NPHS1: variants seen among roughly 807,000 people sequenced by gnomAD.
NPHS1 encodes the protein nephrin.
In NPHS1, 107 loss-of-function variants were observed where a neutral mutation model predicts 139.7. That is an observed-to-expected ratio of 0.77 (90% CI 0.66 to 0.90). The LOEUF is 0.90. Among genes scored for constraint, NPHS1 ranks in the 40% least tolerant of loss-of-function variants. The pLI is 0.00. For missense variants in NPHS1, 1,580 were observed against 1,654.2 expected (o/e 0.96, Z 0.78); for synonymous variants, 707 against 706.6 (o/e 1.00, Z -0.01).
rs762003783 is a variant in NPHS1 at position 35,850,452 on chromosome 19, G to A, written c.527-7C>T. 1.2e-5 allele frequency: 19 copies of A among 1,613,334 alleles called. No individual in the cohort carries two copies. Among genetic ancestry groups the A allele is most frequent in the Admixed American group, 1.7e-5 (1 of 59,988 alleles). On this transcript the variant is annotated splice_polypyrimidine_tract_variant and splice_region_variant and intron_variant, in intron 4 of 28. Coordinates refer to ENST00000378910, the MANE Select transcript of NPHS1 (RefSeq NM_004646.4). The stretch of plus-strand genomic sequence containing the variant: ...TCAGATATTGTCTGTCCACCTTGGG[G>A]CAGCAAGAGGGCTAGAGGGGTTCCA...
chr19:35,826,863 C>T (rs952376286), intron 28 of NPHS1, among the ~76,000 whole-genome samples: 3 of 152,220 alleles, frequency 2.0e-5, no homozygotes, highest in Admixed American at 6.5e-5. Context: ...AGGCTGGGCA[C>T]GGTAGCTCAT....
rs377331907 is a variant in NPHS1 at position 35,848,811 on chromosome 19, G to A, written c.1013-17C>T. On this transcript the variant is annotated splice_polypyrimidine_tract_variant and intron_variant, in intron 8 of 28. Transcript: ENST00000378910. ...TAGGGGGAACTGCAGGGACAGAGAA[G>A]GAAGACACTAAGCTGGGCTGGATTT... The A allele has an allele frequency of 1.9e-6, 3 of 1,614,056 alleles. No individual in the cohort carries two copies. Among genetic ancestry groups the A allele is most frequent in the Non-Finnish European group, 2.5e-6 (3 of 1,180,042 alleles).
chr19:35,849,954 C>T (rs760795898), intron 5 of NPHS1, among the ~76,000 whole-genome samples: 1 of 152,186 alleles, frequency 6.6e-6, no homozygotes. Context: ...CTGGCTCTAT[C>T]ACCCAGGCTG....
rs1292220751 is a variant in NPHS1 at position 35,845,543 on chromosome 19, G to A, written c.1758-3C>T. On this transcript the variant is annotated splice_region_variant and splice_polypyrimidine_tract_variant and intron_variant, in intron 13 of 28. Transcript: ENST00000378910. The surrounding 1 kb of genome is among the most constrained non-coding windows in gnomAD (Gnocchi z 5.5). ...GTGGGGCGGCCACGCCCTCCAGCCT[G>A]TGGAACCGGGGTCAAGCCAGGGCTG... The A allele has an allele frequency of 4.3e-6, 7 of 1,611,622 alleles. No individual in the cohort carries two copies. The highest frequency in any genetic ancestry group is 5.9e-6 in the Non-Finnish European group (7 of 1,179,014).
Position 35,852,455 on chromosome 19 carries a change from G to A in NPHS1, c.-618C>T, listed in dbSNP as rs537757562. On this transcript the variant is annotated 5_prime_UTR_variant, in exon 1 of 29. Transcript: ENST00000378910. ...CTAGGAGAGCGATGAGGCTGATGCA[G>A]GCACTGGCAGAGTCAGCCCTGCTCT... Among the ~76,000 whole-genome samples the A allele has an allele frequency of 1.3e-5, 2 of 152,274 alleles. No individual in the cohort carries two copies. The highest frequency in any genetic ancestry group is 6.5e-5 in the Admixed American group (1 of 15,298).
chr19:35,831,197 C>G, intron 26 of NPHS1, 51 bp from the exon 27 acceptor site: 1 of 1,611,018 alleles, frequency 6.2e-7, no homozygotes, highest in East Asian at 2.2e-5. Flanking sequence ...TCTGACCCCA[C>G]TGTGCCCGGA....
At position 35,845,417 on chromosome 19, in the gene NPHS1, G is replaced by T; in HGVS notation, c.1881C>A (p.Ser627Arg). Residue 627 changes from serine (S) to arginine (R), a missense_variant, in exon 14 of 29, where the codon AGC becomes AGA. Transcript: ENST00000378910. The surrounding 1 kb of genome is among the most constrained non-coding windows in gnomAD (Gnocchi z 5.5). ...AGCTCACGGTTTCGCGGAGCTCGGC[G>T]CTGTGGGCGCGGCAGGTCACGCGCT... ...HGQRVTCRAHSAELRETVSSF... is the reference protein window; with the variant it reads ...HGQRVTCRAHRAELRETVSSF... 6.2e-7 allele frequency: 1 copy of T among 1,614,252 alleles called. No homozygotes were observed. Among genetic ancestry groups the T allele is most frequent in the Non-Finnish European group, 8.5e-7 (1 of 1,180,048 alleles).
rs566123000 is a variant in NPHS1, at chr19:35,826,523, A to T, written c.3717T>A (p.His1239Gln). 4 of 1,613,704 alleles carry T rather than the reference A, an allele frequency of 2.5e-6. No homozygotes were observed. Among genetic ancestry groups the T allele is most frequent in the Non-Finnish European group, 3.4e-6 (4 of 1,180,004 alleles). Residue 1239 changes from histidine (H) to glutamine (Q), a missense_variant, in exon 29 of 29, where the codon CAT becomes CAA. Physicochemically the swap from His to Gln is conservative, Grantham distance 24 (BLOSUM62 0). Coordinates refer to ENST00000378910, the MANE Select transcript of NPHS1 (RefSeq NM_004646.4). Reference protein sequence around the residue: ...PDSLPFELRGHLV With the variant: ...PDSLPFELRGQLV ...GGGGTTGAGAGGGCTCTTACACCAGATGTCCCCTCAGCTCGAAGGGCAGAG... is the reference window on the plus strand; with the variant it reads ...GGGGTTGAGAGGGCTCTTACACCAGTTGTCCCCTCAGCTCGAAGGGCAGAG...
In NPHS1 at chr19:35,845,760, C is replaced by A. The variant is rs1973130732; in HGVS notation, c.1666G>T (p.Ala556Ser). ...TTTAAGGCGTCTCCCGGGCGCAGTG[C>A]GGATGCGTTGGCCAGGATCGTCACG... Reference protein sequence around the residue: ...TNVTILANASALRPGDALNLT... With the variant: ...TNVTILANASSLRPGDALNLT... The change falls in exon 13 of 29, where the codon GCA becomes TCA. Residue 556 changes from alanine to serine, a missense_variant. Coordinates refer to ENST00000378910, the MANE Select transcript of NPHS1 (RefSeq NM_004646.4). The surrounding 1 kb of genome is among the most constrained non-coding windows in gnomAD (Gnocchi z 5.5). The A allele has an allele frequency of 1.2e-6, 2 of 1,614,058 alleles. No individual in the cohort carries two copies. Among genetic ancestry groups the A allele is most frequent in the African/African-American group, 2.7e-5 (2 of 75,042 alleles).
At chr19:35,834,306 G>C (rs1490362217) in intron 23 of NPHS1, among the ~76,000 whole-genome samples, 1 of 152,132 alleles carries the variant, frequency 6.6e-6, no homozygotes, top group Non-Finnish European at 1.5e-5. Flanking sequence ...CCAAGAGCCA[G>C]ATGACTATCA....
Position 35,845,810 on chromosome 19 carries a change from G to A in NPHS1, c.1628-12C>T, listed in dbSNP as rs1973131731. ...GTTAGTTGGGGGAACTGGGAGACGG[G>A]GTTGGAGGAGCGAGACTCAGAGGTT... On this transcript the variant is annotated splice_polypyrimidine_tract_variant and intron_variant, in intron 12 of 28. Transcript: ENST00000378910. The surrounding 1 kb of genome is among the most constrained non-coding windows in gnomAD (Gnocchi z 5.5). 3 of 1,611,042 alleles carry A rather than the reference G, an allele frequency of 1.9e-6. No homozygotes were observed. The East Asian group carries it at 6.7e-5, about 36-fold the overall frequency.
chr19:35,841,601 A>G, intron 20 of NPHS1, 114 bp downstream of exon 20: 3 of 1,247,608 alleles, frequency 2.4e-6, no homozygotes, highest in Non-Finnish European at 3.5e-6. Flanking sequence ...CTCCATCCTC[A>G]CACATACACA....
Position 35,845,503 on chromosome 19 carries a change from A to T in NPHS1, c.1795T>A (p.Phe599Ile). Residue 599 changes from phenylalanine to isoleucine, a missense_variant, in exon 14 of 29, where the codon TTC (phenylalanine) becomes ATC (isoleucine). Transcript: ENST00000378910. This position sits in a 1 kb window ranked among gnomAD's most constrained non-coding sequence, Gnocchi z 5.5. ...CTCCTGGCGGCGGCGGAGCCTTTGAATGGGGCTCTCCGGGGTGGGGCGGCC... is the reference window on the plus strand; with the variant it reads ...CTCCTGGCGGCGGCGGAGCCTTTGATTGGGGCTCTCCGGGGTGGGGCGGCC... ...GVAAPPRRAP[F>I]KGSAAARSVL... 6.2e-7 allele frequency: 1 copy of T among 1,612,494 alleles called. No homozygotes were observed. Among genetic ancestry groups the T allele is most frequent in the East Asian group, 2.2e-5 (1 of 44,816 alleles).
chr19:35,825,757 A>G lies in NPHS1; in HGVS notation c.*757T>C, dbSNP rs552731597. On this transcript the variant is annotated 3_prime_UTR_variant, in exon 29 of 29. Coordinates refer to ENST00000378910, the MANE Select transcript of NPHS1 (RefSeq NM_004646.4). Reference sequence around the variant, plus strand: ...TAGTTTATGCCTCCTGTGTTAGATAACTGTCGGAAATAATAAAATAATAGG... The same window carrying G: ...TAGTTTATGCCTCCTGTGTTAGATAGCTGTCGGAAATAATAAAATAATAGG... Among the ~76,000 whole-genome samples the G allele has an allele frequency of 1.5e-4, 23 of 152,278 alleles. No individual in the cohort carries two copies. Among genetic ancestry groups the G allele is most frequent in the Admixed American group, 3.9e-4 (6 of 15,286 alleles).
In NPHS1 at chr19:35,845,551, G is replaced by A. The variant is rs145554982; in HGVS notation, c.1758-11C>T. 6.2e-7 allele frequency: 1 copy of A among 1,611,332 alleles called. No individual in the cohort carries two copies. Among genetic ancestry groups the A allele is most frequent in the Non-Finnish European group, 8.5e-7 (1 of 1,178,902 alleles). ...GCCACGCCCTCCAGCCTGTGGAACC[G>A]GGGTCAAGCCAGGGCTGCGAGCGGA... is the stretch of plus-strand genomic sequence containing the variant. On this transcript the variant is annotated splice_polypyrimidine_tract_variant and intron_variant, in intron 13 of 28. Coordinates refer to ENST00000378910, the MANE Select transcript of NPHS1 (RefSeq NM_004646.4). The surrounding 1 kb of genome is among the most constrained non-coding windows in gnomAD (Gnocchi z 5.5).
intron 20 of NPHS1, 80 bp downstream of exon 20, chr19:35,841,635 G>T: frequency 6.5e-7 from 1 of 1,549,512 alleles, no homozygotes; most frequent in South Asian, 1.1e-5. Flanking sequence ...CAGAAACATG[G>T]GCAGCCCAGG....
chr19:35,842,226 T>C lies in NPHS1; in HGVS notation c.2561A>G (p.Asp854Gly). 1 of 1,613,202 alleles carries C rather than the reference T, an allele frequency of 6.2e-7. No individual in the cohort carries two copies. The highest frequency in any genetic ancestry group is 1.1e-5 in the South Asian group (1 of 90,996). Residue 854 changes from aspartate (D) to glycine (G), a missense_variant, in exon 19 of 29, where the codon GAC becomes GGC. Asp to Gly is a moderately conservative substitution (Grantham distance 94). Transcript: ENST00000378910. ...GTGGAGGGTGGCAGAACTGGTGCTG[T>C]CTCCAGCTGCAGCCACCTTAGTTAG... ...TPLTKVAAAG[D>G]STSSATLHCR...
intron 27 of NPHS1, 45 bp downstream of exon 27, chr19:35,831,007 CG>C (rs1568448991): frequency 6.2e-7 from 1 of 1,605,284 alleles, no homozygotes. Flanking sequence ...GTCCAGGCGT[CG>C]GGGGTACCTC....
chr19:35,827,825 G>A (rs1972818087), intron 28 of NPHS1, among the ~76,000 whole-genome samples: 1 of 152,136 alleles, frequency 6.6e-6, no homozygotes, highest in Non-Finnish European at 1.5e-5. Context: ...GCTGAGGCAG[G>A]AGAATCGCTT....
Sources: gnomAD v4.1 joint callset for allele counts (sites outside exome capture counted in the v4.1 genomes callset) on GRCh38, gnomAD v4.1.1 for gene constraint, Gnocchi (gnomAD v3.1) non-coding constraint, MANE v1.5 for transcripts, NCBI Gene and HGNC (gene_info 2026-07-23, HGNC 2026-07-21) for gene names.